The following PARD3 variants were observed in gnomAD, a reference collection of about 807,000 sequenced individuals.
PARD3 encodes the protein par-3 family cell polarity regulator, also known as partitioning defective 3 homolog.
PARD3 carries 75 observed loss-of-function variants against 155.4 expected under a neutral mutation model. That is an observed-to-expected ratio of 0.48 (90% CI 0.40 to 0.58). The LOEUF is 0.58. Among genes scored for constraint, PARD3 ranks in the 20% least tolerant of loss-of-function variants. The probability of loss-of-function intolerance (pLI) is 0.00; values close to 1 mark genes in which losing one functional copy is unlikely to be tolerated. For missense variants in PARD3, 1,642 were observed against 1,721.7 expected, an observed-to-expected ratio of 0.95 and a Z score of 0.82; for synonymous variants, 576 against 610.5, an observed-to-expected ratio of 0.94 and a Z score of 0.83.
chr10:34,307,965 G>T (rs1401216481), intron 20 of PARD3, among the ~76,000 whole-genome samples: 1 of 152,136 alleles, frequency 6.6e-6, no homozygotes, highest in South Asian at 2.1e-4. Context: ...AGGGAGCAGA[G>T]TTTGCAATTT....
At chr10:34,191,968 G>C (rs1279622375) in intron 22 of PARD3, among the ~76,000 whole-genome samples, 1 of 152,168 alleles carries the variant, frequency 6.6e-6, no homozygotes, top group Non-Finnish European at 1.5e-5. Flanking sequence ...TGAAATTGGA[G>C]GAATATGCCA....
chr10:34,611,725 G>A (rs115362582), intron 2 of PARD3, among the ~76,000 whole-genome samples: 2,424 of 152,090 alleles, frequency 0.016, 61 homozygotes, highest in African/African-American at 0.056. Flanking sequence ...TAATGAAATG[G>A]GGACGGGAGA....
At chr10:34,548,760 A>T (rs1480539143) in intron 2 of PARD3, among the ~76,000 whole-genome samples, 2 of 151,944 alleles carry the variant, frequency 1.3e-5, no homozygotes, top group South Asian at 2.1e-4. Flanking sequence ...CCGAGAAGGC[A>T]GCCTTTTATT....
intron 21 of PARD3, among the ~76,000 whole-genome samples, chr10:34,280,885 G>A (rs1018985342): frequency 3.9e-5 from 6 of 152,188 alleles, no homozygotes; most frequent in Non-Finnish European, 5.9e-5. Flanking sequence ...GTAGAATTTT[G>A]AGAAATAACA....
chr10:34,505,056 T>G (rs2080972255), intron 3 of PARD3, among the ~76,000 whole-genome samples: 1 of 152,214 alleles, frequency 6.6e-6, no homozygotes, highest in African/African-American at 2.4e-5. Context: ...GAACTCTTGT[T>G]TATTGACCAG....
At chr10:34,638,980 T>C (rs2092577932) in intron 2 of PARD3, among the ~76,000 whole-genome samples, 1 of 152,248 alleles carries the variant, frequency 6.6e-6, no homozygotes, top group Admixed American at 6.5e-5. Flanking sequence ...ATTTCAAAGA[T>C]GACTTCTAAC....
At chr10:34,164,672 A>C (rs2133071590) in intron 22 of PARD3, among the ~76,000 whole-genome samples, 1 of 152,334 alleles carries the variant, frequency 6.6e-6, no homozygotes, top group Admixed American at 6.5e-5. Context: ...TGTGTTTTAT[A>C]GTTACAGCAG....
chr10:34,287,160 C>T (rs891324584), intron 20 of PARD3, among the ~76,000 whole-genome samples: 7 of 152,076 alleles, frequency 4.6e-5, no homozygotes, highest in African/African-American at 7.2e-5. Context: ...GCATTCACTT[C>T]ATCCTGGAAG....
At chr10:34,645,060 C>T (rs935786684) in intron 2 of PARD3, among the ~76,000 whole-genome samples, 1 of 152,132 alleles carries the variant, frequency 6.6e-6, no homozygotes, top group Non-Finnish European at 1.5e-5. Context: ...ACTATGTTGC[C>T]CAGGCTGGTC....
At chr10:34,677,394 T>C (rs1449998980) in intron 2 of PARD3, among the ~76,000 whole-genome samples, 1 of 151,468 alleles carries the variant, frequency 6.6e-6, no homozygotes, top group East Asian at 1.9e-4. Flanking sequence ...GTGGGAGGAC[T>C]GCTTCAGCCC....
chr10:34,606,396 C>T (rs931146173), intron 2 of PARD3, among the ~76,000 whole-genome samples: 1 of 151,860 alleles, frequency 6.6e-6, no homozygotes, highest in African/African-American at 2.4e-5. Context: ...CCTGCCGGAT[C>T]CAGTTCCCCT....
chr10:34,132,368 T>C (rs1947660728), intron 22 of PARD3, among the ~76,000 whole-genome samples: 1 of 110,320 alleles, frequency 9.1e-6, no homozygotes, highest in Non-Finnish European at 1.6e-5. Context: ...GTAACTGACA[T>C]TTAAAGAAGA....
intron 2 of PARD3, among the ~76,000 whole-genome samples, chr10:34,606,339 C>G (rs902499710): frequency 1.4e-5 from 2 of 147,522 alleles, no homozygotes; most frequent in Non-Finnish European, 2.9e-5. Flanking sequence ...GGCAGAGTCA[C>G]CCAGAGGAGG....
At chr10:34,689,934 GTTAT>G (rs199639601) in intron 2 of PARD3, among the ~76,000 whole-genome samples, 13 of 89,162 alleles carry the variant, frequency 1.5e-4, no homozygotes, top group Admixed American at 6.2e-4. Flanking sequence ...ATTTTTACAT[GTTAT>G]TTATTTATTT....
At chr10:34,306,519 C>T (rs1383045361) in intron 20 of PARD3, among the ~76,000 whole-genome samples, 1 of 151,748 alleles carries the variant, frequency 6.6e-6, no homozygotes, top group African/African-American at 2.4e-5. Context: ...TGTGGTGGTG[C>T]ATGCCTGTAA....
rs1376171766 is a variant in PARD3 at position 34,341,612 on chromosome 10, G to A, written c.2408+15C>T. On this transcript the variant is annotated intron_variant, in intron 16 of 24. Coordinates refer to ENST00000374788, the MANE Select transcript of PARD3 (RefSeq NM_001184785.2). ...TAATTAATTCATGTTTTCCAACCCTGGACGATGAGCTTACCAGTCGGCTGA... is the reference window on the plus strand; with the variant it reads ...TAATTAATTCATGTTTTCCAACCCTAGACGATGAGCTTACCAGTCGGCTGA... The A allele has an allele frequency of 1.2e-6, 2 of 1,602,846 alleles. No individual in the cohort carries two copies. Among genetic ancestry groups the A allele is most frequent in the Admixed American group, 3.4e-5 (2 of 58,586 alleles).
intron 5 of PARD3, among the ~76,000 whole-genome samples, chr10:34,434,679 T>C (rs1483350239): frequency 6.6e-6 from 1 of 152,120 alleles, no homozygotes. Flanking sequence ...GTTGACAGCT[T>C]GGACTTTGGA....
At chr10:34,181,163 C>T (rs1286503616) in intron 22 of PARD3, among the ~76,000 whole-genome samples, 2 of 152,198 alleles carry the variant, frequency 1.3e-5, no homozygotes, top group Non-Finnish European at 2.9e-5. Flanking sequence ...TCCTGGCTTA[C>T]ACCTGTATCT....
intron 12 of PARD3, among the ~76,000 whole-genome samples, chr10:34,372,088 T>A (rs78899888): frequency 0.067 from 10,245 of 152,228 alleles, 465 homozygotes; most frequent in Non-Finnish European, 0.096. Context: ...TTCCTGTGTA[T>A]ACTTTTTTTA....
Sources: allele counts gnomAD v4.1 joint callset (sites outside exome capture counted in the v4.1 genomes callset), GRCh38; gene constraint gnomAD v4.1.1; transcripts MANE v1.5; gene names NCBI Gene and HGNC (gene_info 2026-07-23, HGNC 2026-07-21).